Variants in ERBB4 observed in about 807,000 individuals in gnomAD.
ERBB4 encodes the protein erb-b2 receptor tyrosine kinase 4.
Under a neutral mutation model 158.0 loss-of-function variants are expected in ERBB4, and 42 were observed. The ratio of observed to expected loss-of-function variants is 0.27; its 90% CI spans 0.21 to 0.34. The LOEUF (loss-of-function observed/expected upper bound fraction) is 0.34. ERBB4 is among the 10% of genes least tolerant of loss of function. The pLI is 1.00. For synonymous variants in ERBB4, 583 were observed against 558.7 expected (o/e 1.04, Z -0.61); for missense variants, 1,333 against 1,624.1 (o/e 0.82, Z 3.08).
intron 1 of ERBB4, among the ~76,000 whole-genome samples, chr2:212,504,887 G>A (rs907524608): frequency 6.6e-6 from 1 of 152,058 alleles, no homozygotes; most frequent in African/African-American, 2.4e-5. Context: ...GTACATGTGT[G>A]CCAGGAAAGT....
intron 2 of ERBB4, among the ~76,000 whole-genome samples, chr2:212,047,018 T>A (rs1485271576): frequency 6.6e-6 from 1 of 152,156 alleles, no homozygotes; most frequent in South Asian, 2.1e-4. Context: ...AAATAATTCA[T>A]ACAAAGGATA....
intron 4 of ERBB4, among the ~76,000 whole-genome samples, chr2:211,776,077 T>C (rs2075867556): frequency 6.6e-6 from 1 of 152,206 alleles, no homozygotes; most frequent in African/African-American, 2.4e-5. Context: ...ATGGTTTTGT[T>C]AATGTAACTA....
intron 2 of ERBB4, 95 bp downstream of exon 2, chr2:212,124,657 A>G: frequency 7.2e-7 from 1 of 1,385,742 alleles, no homozygotes. Flanking sequence ...CAGGCAGAAG[A>G]GCACCCCTTC....
At chr2:211,394,080 C>G (rs770711393) in intron 25 of ERBB4, among the ~76,000 whole-genome samples, 11 of 152,022 alleles carry the variant, frequency 7.2e-5, no homozygotes, top group Non-Finnish European at 1.2e-4. Context: ...GAGGATATTT[C>G]CTTTTAAAAT....
intron 7 of ERBB4, among the ~76,000 whole-genome samples, chr2:211,721,264 G>C (rs1320560151): frequency 6.6e-6 from 1 of 151,730 alleles, no homozygotes; most frequent in African/African-American, 2.4e-5. Context: ...TCAGATTTTG[G>C]ATTTTTGGAT....
chr2:211,435,376 G>T (rs2125441267), intron 20 of ERBB4, among the ~76,000 whole-genome samples: 1 of 152,256 alleles, frequency 6.6e-6, no homozygotes, highest in South Asian at 2.1e-4. Flanking sequence ...CACATTGGTT[G>T]GTTAACTTAA....
chr2:212,037,091 A>G (rs1481000587), intron 2 of ERBB4, among the ~76,000 whole-genome samples: 2 of 140,590 alleles, frequency 1.4e-5, no homozygotes, highest in Non-Finnish European at 3.1e-5. Context: ...GCTTTTAATC[A>G]GAAACAATTT....
intron 19 of ERBB4, among the ~76,000 whole-genome samples, chr2:211,610,912 G>T (rs566425758): frequency 2.6e-5 from 4 of 152,198 alleles, no homozygotes; most frequent in Admixed American, 6.5e-5. Flanking sequence ...CTTACGGAGA[G>T]CAACCTGTAT....
At chr2:212,245,686 T>G (rs1480642084) in intron 1 of ERBB4, among the ~76,000 whole-genome samples, 2 of 152,116 alleles carry the variant, frequency 1.3e-5, no homozygotes, top group Admixed American at 1.3e-4. Context: ...AACTGCTGTT[T>G]CCAAGAGTTT....
intron 20 of ERBB4, among the ~76,000 whole-genome samples, chr2:211,530,681 A>T (rs1416744427): frequency 6.6e-6 from 1 of 152,042 alleles, no homozygotes; most frequent in Non-Finnish European, 1.5e-5. Flanking sequence ...TGAGTCCAGG[A>T]GTTTGAGACC....
intron 2 of ERBB4, among the ~76,000 whole-genome samples, chr2:211,956,110 T>C (rs1017070314): frequency 1.3e-5 from 2 of 151,976 alleles, no homozygotes; most frequent in East Asian, 3.8e-4. Context: ...TTTTGAAGCT[T>C]GTATTTCAAA....
At chr2:211,584,899 C>A (rs2068217029) in intron 19 of ERBB4, among the ~76,000 whole-genome samples, 1 of 151,772 alleles carries the variant, frequency 6.6e-6, no homozygotes, top group Non-Finnish European at 1.5e-5. Flanking sequence ...CTTTCTACAA[C>A]TTTTAAACAT....
intron 4 of ERBB4, among the ~76,000 whole-genome samples, chr2:211,784,808 T>A (rs1424903402): frequency 6.6e-6 from 1 of 152,150 alleles, no homozygotes; most frequent in African/African-American, 2.4e-5. Context: ...GGAGACAATA[T>A]CTTATTGTGG....
intron 3 of ERBB4, among the ~76,000 whole-genome samples, chr2:211,802,592 T>G (rs1575167642): frequency 6.6e-6 from 1 of 152,222 alleles, no homozygotes; most frequent in African/African-American, 2.4e-5. Flanking sequence ...TATTAATAAA[T>G]ACCGGAAATA....
Position 212,178,671 on chromosome 2 carries a change from C to T in ERBB4, c.83-53768G>A, listed in dbSNP as rs147777335. Among the ~76,000 whole-genome samples the T allele has an allele frequency of 1.8e-3, 279 of 151,532 alleles. 2 individuals are homozygous for T. Among genetic ancestry groups the T allele is most frequent in the Non-Finnish European group, 3.0e-3 (202 of 67,706 alleles). On this transcript the variant is annotated intron_variant, in intron 1 of 27. Coordinates refer to ENST00000342788, the MANE Select transcript of ERBB4 (RefSeq NM_005235.3). The stretch of plus-strand genomic sequence containing the variant: ...GTAAGACTTTAACATCCTAGTATGG[C>T]GGAATGACCACTAAACTTTAAACTT...
At chr2:211,977,601 C>T (rs1223526341) in intron 2 of ERBB4, among the ~76,000 whole-genome samples, 1 of 147,322 alleles carries the variant, frequency 6.8e-6, no homozygotes, top group Non-Finnish European at 1.5e-5. Context: ...GCTTTGGGAG[C>T]CCAAGGCGGT....
intron 5 of ERBB4, among the ~76,000 whole-genome samples, chr2:211,748,712 T>A (rs1021687328): frequency 6.6e-6 from 1 of 152,172 alleles, no homozygotes; most frequent in African/African-American, 2.4e-5. Flanking sequence ...AGTGAATAAA[T>A]AAAATAAGTA....
At chr2:212,146,539 G>A (rs1323571857) in intron 1 of ERBB4, among the ~76,000 whole-genome samples, 3 of 152,052 alleles carry the variant, frequency 2.0e-5, no homozygotes, top group Admixed American at 6.6e-5. Context: ...ACCAAGTGTC[G>A]CCTGGGGATC....
At chr2:211,769,036 T>A (rs1559501079) in intron 4 of ERBB4, among the ~76,000 whole-genome samples, 2 of 152,242 alleles carry the variant, frequency 1.3e-5, no homozygotes, top group African/African-American at 4.8e-5. Context: ...TGAATGCCTT[T>A]AGCAGCACCC....
Sources: gnomAD v4.1 joint callset for allele counts (sites outside exome capture counted in the v4.1 genomes callset) on GRCh38, gnomAD v4.1.1 for gene constraint, MANE v1.5 for transcripts, NCBI Gene and HGNC (gene_info 2026-07-23, HGNC 2026-07-21) for gene names.